Variants in SOX5 observed in about 807,000 individuals in gnomAD.
The protein encoded by SOX5 is transcription factor SOX-5.
Under a neutral mutation model 92.0 loss-of-function variants are expected in SOX5, and 9 were observed. The observed-to-expected ratio is 0.10, with a 90% CI of 0.06 to 0.17. SOX5 has a LOEUF of 0.17. Ranked by LOEUF, SOX5 falls within the 10% of genes least tolerant of loss-of-function variation. SOX5 has a pLI of 1.00. For missense variants in SOX5, 642 were observed against 944.5 expected (o/e 0.68, Z 4.20); for synonymous variants, 344 against 336.3 (o/e 1.02, Z -0.25).
Position 24,164,600 on chromosome 12 carries a change from C to A in SOX5, c.-2+48743G>T, listed in dbSNP as rs79709905. Among the ~76,000 whole-genome samples the A allele has an allele frequency of 2.1e-3, 312 of 152,158 alleles. 6 individuals carry two copies. In the East Asian group the frequency reaches 0.053, roughly 26 times the overall value. ...AATGGAAACAAGTACTTAATTTATA[C>A]CAAATCACTATCAATGAGCTAATTA... On this transcript the variant is annotated intron_variant, in intron 4 of 4. Transcript: ENST00000446891.
At chr12:24,043,143 G>A (rs531296166) in intron 4 of SOX5, among the ~76,000 whole-genome samples, 2 of 152,128 alleles carry the variant, frequency 1.3e-5, no homozygotes. Flanking sequence ...AGACTTTCTG[G>A]TTCATAAATT....
chr12:24,392,383 C>T (rs574110686), intron 1 of SOX5, among the ~76,000 whole-genome samples: 56 of 152,260 alleles, frequency 3.7e-4, no homozygotes, highest in East Asian at 2.3e-3. Flanking sequence ...TCCACCCTAA[C>T]GCCCCCACCA....
chr12:24,321,737 T>C (rs924296569), intron 2 of SOX5, among the ~76,000 whole-genome samples: 10 of 152,184 alleles, frequency 6.6e-5, no homozygotes, highest in Non-Finnish European at 1.5e-4. Context: ...AGGATTACTA[T>C]AAATAGAATA....
intron 1 of SOX5, among the ~76,000 whole-genome samples, chr12:23,936,557 T>C (rs1318314337): frequency 1.3e-5 from 2 of 150,688 alleles, no homozygotes; most frequent in Non-Finnish European, 3.0e-5. Context: ...CCCCTAAGTC[T>C]TTCTAACTCA....
chr12:23,975,709 C>T (rs1033043212), intron 4 of SOX5, among the ~76,000 whole-genome samples: 1 of 152,046 alleles, frequency 6.6e-6, no homozygotes, highest in African/African-American at 2.4e-5. Flanking sequence ...ATTATATCTG[C>T]TTGTTAAGGT....
chr12:24,302,907 A>AG (rs1488554401), intron 2 of SOX5, among the ~76,000 whole-genome samples: 1 of 152,148 alleles, frequency 6.6e-6, no homozygotes, highest in East Asian at 1.9e-4. Context: ...ACTTCACATT[A>AG]GTTATAGGGG....
At chr12:23,647,063 T>C (rs190381249) in intron 7 of SOX5, among the ~76,000 whole-genome samples, 138 of 152,338 alleles carry the variant, frequency 9.1e-4, no homozygotes, top group Non-Finnish European at 2.4e-4. Flanking sequence ...ACTGTGGCAG[T>C]GACAGGTTAT....
intron 10 of SOX5, among the ~76,000 whole-genome samples, chr12:23,572,237 A>C (rs993333028): frequency 6.6e-6 from 1 of 152,190 alleles, no homozygotes; most frequent in Admixed American, 6.5e-5. Context: ...TTCAGTCCAC[A>C]GTCTTCTGTG....
At chr12:24,087,273 A>T (rs1324847336) in intron 4 of SOX5, among the ~76,000 whole-genome samples, 2 of 152,092 alleles carry the variant, frequency 1.3e-5, no homozygotes, top group Non-Finnish European at 2.9e-5. Flanking sequence ...ATTTGAGTGA[A>T]ATGCATAAGA....
intron 3 of SOX5, among the ~76,000 whole-genome samples, chr12:23,790,542 AATCTCT>A (rs1166988305): frequency 0.014 from 650 of 47,646 alleles, 6 homozygotes; most frequent in East Asian, 0.12. Context: ...TCTCTCTCTC[AATCTCT>A]CACACACACA....
At chr12:24,385,199 A>G (rs913898207) in intron 1 of SOX5, among the ~76,000 whole-genome samples, 4 of 152,218 alleles carry the variant, frequency 2.6e-5, no homozygotes, top group African/African-American at 9.7e-5. Flanking sequence ...TCCCCAACTT[A>G]CAATTCTACT....
chr12:24,342,248 C>T (rs1427065247), intron 2 of SOX5, among the ~76,000 whole-genome samples: 4 of 152,218 alleles, frequency 2.6e-5, no homozygotes, highest in African/African-American at 9.6e-5. Context: ...AGCCTCACTC[C>T]TGATGCTCTT....
At chr12:24,149,700 A>G (rs1178855653) in intron 4 of SOX5, among the ~76,000 whole-genome samples, 2 of 152,190 alleles carry the variant, frequency 1.3e-5, no homozygotes, top group Non-Finnish European at 2.9e-5. Context: ...ATATGGCCAT[A>G]AAAAGTTTGC....
At chr12:24,054,224 A>G (rs1048167498) in intron 4 of SOX5, among the ~76,000 whole-genome samples, 1 of 152,174 alleles carries the variant, frequency 6.6e-6, no homozygotes, top group African/African-American at 2.4e-5. Flanking sequence ...AATATATAAG[A>G]GCGATTAAAG....
chr12:23,905,820 A>G (rs2097287606), intron 1 of SOX5, among the ~76,000 whole-genome samples: 1 of 152,184 alleles, frequency 6.6e-6, no homozygotes. Context: ...CATGATTTAC[A>G]AGAAAGAGTA....
intron 1 of SOX5, among the ~76,000 whole-genome samples, chr12:23,937,530 C>G (rs1369725701): frequency 6.6e-6 from 1 of 150,904 alleles, no homozygotes; most frequent in Non-Finnish European, 1.5e-5. Context: ...AACTTCCATG[C>G]TAATTTGACA....
At chr12:24,134,441 T>C (rs1404590861) in intron 4 of SOX5, among the ~76,000 whole-genome samples, 1 of 152,216 alleles carries the variant, frequency 6.6e-6, no homozygotes, top group Non-Finnish European at 1.5e-5. Flanking sequence ...ATTATACTTG[T>C]TTCTGCTCTA....
chr12:23,692,153 C>T (rs529512895), intron 6 of SOX5, among the ~76,000 whole-genome samples: 3 of 152,202 alleles, frequency 2.0e-5, no homozygotes, highest in African/African-American at 7.2e-5. Flanking sequence ...TGATTTATGG[C>T]TGGGCACGGT....
intron 4 of SOX5, among the ~76,000 whole-genome samples, chr12:23,969,203 G>A (rs568424424): frequency 1.3e-5 from 2 of 151,968 alleles, no homozygotes; most frequent in African/African-American, 2.4e-5. Flanking sequence ...AGCATATCTC[G>A]AATCATGTAA....
Sources: gnomAD v4.1 joint callset for allele counts (sites outside exome capture counted in the v4.1 genomes callset) on GRCh38, gnomAD v4.1.1 for gene constraint, MANE v1.5 for transcripts, NCBI Gene and HGNC (gene_info 2026-07-23, HGNC 2026-07-21) for gene names.